PRIMPOL: variants seen among roughly 807,000 people sequenced by gnomAD.
PRIMPOL encodes primase and DNA directed polymerase, also known as DNA-directed primase/polymerase protein.
PRIMPOL carries 54 observed loss-of-function variants against 63.6 expected under a neutral mutation model. The ratio of observed to expected loss-of-function variants is 0.85; its 90% CI spans 0.68 to 1.07. The LOEUF is 1.07. Ranked by LOEUF, PRIMPOL falls within the 50% of genes least tolerant of loss-of-function variation. The pLI is 0.00. For missense variants in PRIMPOL, 610 were observed against 648.3 expected (o/e 0.94, Z 0.64); for synonymous variants, 197 against 220.2 (o/e 0.89, Z 0.93).
chr4:184,651,038 C>T (rs539442535), intron 1 of PRIMPOL, among the ~76,000 whole-genome samples: 37 of 152,130 alleles, frequency 2.4e-4, no homozygotes, highest in African/African-American at 7.2e-4. Flanking sequence ...GCCTGTAATC[C>T]CAGGACTTTG....
At chr4:184,677,361 C>CT (rs1240149331) in intron 7 of PRIMPOL, among the ~76,000 whole-genome samples, 2 of 152,070 alleles carry the variant, frequency 1.3e-5, no homozygotes, top group Non-Finnish European at 2.9e-5. Flanking sequence ...ATCCGGTTGG[C>CT]TCAGCACTGT....
At chr4:184,690,704 G>A (rs962352202) in intron 11 of PRIMPOL, among the ~76,000 whole-genome samples, 2 of 152,074 alleles carry the variant, frequency 1.3e-5, no homozygotes, top group Non-Finnish European at 2.9e-5. Flanking sequence ...TGTTTTCCAC[G>A]TTAGTCACTT....
intron 3 of PRIMPOL, among the ~76,000 whole-genome samples, chr4:184,658,069 ATTC>A (rs1460061701): frequency 7.8e-6 from 1 of 128,738 alleles, no homozygotes; most frequent in African/African-American, 3.1e-5. Flanking sequence ...TGTATTGCAC[ATTC>A]TTTTTTTTTT....
chr4:184,693,116 T>G (rs1759347374), intron 13 of PRIMPOL, among the ~76,000 whole-genome samples: 1 of 152,210 alleles, frequency 6.6e-6, no homozygotes, highest in African/African-American at 2.4e-5. Flanking sequence ...AAACTCAGTC[T>G]TAACACGTCT....
chr4:184,654,474 A>G (rs1579275027), intron 2 of PRIMPOL, among the ~76,000 whole-genome samples: 1 of 322 alleles, frequency 3.1e-3, no homozygotes, highest in East Asian at 0.038. Context: ...TTTTTGAGAC[A>G]GAGTCTCGCT....
At chr4:184,672,547 G>A (rs1752093420) in intron 7 of PRIMPOL, 87 bp downstream of exon 7, 4 of 1,332,012 alleles carry the variant, frequency 3.0e-6, no homozygotes, top group Middle Eastern at 3.8e-4. Context: ...CCGTGCTCGG[G>A]ATTCTTGCTT....
intron 13 of PRIMPOL, among the ~76,000 whole-genome samples, chr4:184,692,814 A>T (rs1011093491): frequency 6.6e-6 from 1 of 152,090 alleles, no homozygotes; most frequent in Non-Finnish European, 1.5e-5. Context: ...ATCACTACCA[A>T]TCTGGTAGGC....
At chr4:184,680,137 G>A (rs371148453) in intron 8 of PRIMPOL, among the ~76,000 whole-genome samples, 27 of 152,180 alleles carry the variant, frequency 1.8e-4, no homozygotes, top group African/African-American at 6.0e-4. Context: ...CATGGTTAAG[G>A]TTCAGACTAA....
chr4:184,684,787 T>G (rs1756581096), intron 9 of PRIMPOL, among the ~76,000 whole-genome samples: 1 of 152,146 alleles, frequency 6.6e-6, no homozygotes, highest in Admixed American at 6.5e-5. Context: ...ATTCTAGGAC[T>G]GGTTTTCTTA....
chr4:184,651,545 A>G (rs991757766), intron 1 of PRIMPOL, among the ~76,000 whole-genome samples: 2 of 152,166 alleles, frequency 1.3e-5, no homozygotes, highest in Admixed American at 6.5e-5. Flanking sequence ...TCCTTATCCT[A>G]TTGTGATGCC....
chr4:184,684,601 A>G (rs1002228921), intron 9 of PRIMPOL, among the ~76,000 whole-genome samples: 1 of 152,176 alleles, frequency 6.6e-6, no homozygotes, highest in African/African-American at 2.4e-5. Flanking sequence ...AGCTGAGTGT[A>G]TTGCCAGGAA....
At chr4:184,694,248 G>C in intron 13 of PRIMPOL, 1 of 1,139,032 alleles carries the variant, frequency 8.8e-7, no homozygotes, top group Non-Finnish European at 1.1e-6. Context: ...ATCCACCCTT[G>C]CTCTTCCGTC....
intron 2 of PRIMPOL, among the ~76,000 whole-genome samples, chr4:184,652,536 AAATC>A (rs1282069537): frequency 6.6e-6 from 1 of 152,202 alleles, no homozygotes; most frequent in East Asian, 1.9e-4. Context: ...GAAAAAAGGA[AAATC>A]CAGTCACTTA....
rs778516148 is a variant in PRIMPOL at position 184,694,590 on chromosome 4, A to T, written c.1494A>T (p.Pro498=). 6 of 1,614,168 alleles carry T rather than the reference A, an allele frequency of 3.7e-6. No homozygotes were observed. In the South Asian group the frequency reaches 6.6e-5, roughly 18 times the overall value. ...RSNETQNPHK[P]SPSRLSTGAS... ...ATGAAACCCAGAATCCTCATAAACC[A>T]TCACCTAGCAGGCTGTCAACAGGTG... Residue 498 remains proline, a synonymous_variant, in exon 14 of 14, where the codon CCA becomes CCT. Coordinates refer to ENST00000314970, the MANE Select transcript of PRIMPOL (RefSeq NM_152683.4).
intron 13 of PRIMPOL, chr4:184,694,290 G>A (rs538701108): frequency 7.6e-7 from 1 of 1,314,018 alleles, no homozygotes; most frequent in Non-Finnish European, 9.7e-7. Flanking sequence ...GCACAGAACT[G>A]TAGGTAATTT....
intron 2 of PRIMPOL, among the ~76,000 whole-genome samples, chr4:184,655,139 AT>A (rs1464578826): frequency 1.3e-5 from 2 of 151,598 alleles, no homozygotes; most frequent in Admixed American, 6.6e-5. Context: ...CCTCCCAAGT[AT>A]TTGGGATTAC....
chr4:184,694,157 G>A (rs1759868132), intron 13 of PRIMPOL: 2 of 903,422 alleles, frequency 2.2e-6, no homozygotes, highest in African/African-American at 1.8e-5. Flanking sequence ...TTTAAAGCAT[G>A]GGTACTAAGT....
chr4:184,653,571 C>T (rs1161065867), intron 2 of PRIMPOL, among the ~76,000 whole-genome samples: 2 of 152,204 alleles, frequency 1.3e-5, no homozygotes, highest in African/African-American at 4.8e-5. Flanking sequence ...AGGCTGGTCT[C>T]GAACTCCTGA....
chr4:184,691,475 T>A (rs765135515), intron 11 of PRIMPOL, 24 bp from the exon 12 acceptor site: 3 of 258,198 alleles, frequency 1.2e-5, no homozygotes, highest in African/African-American at 9.8e-5. Context: ...TATTAATACT[T>A]TTTTTTTTTT....
Sources: allele counts gnomAD v4.1 joint callset (sites outside exome capture counted in the v4.1 genomes callset), GRCh38; gene constraint gnomAD v4.1.1; transcripts MANE v1.5; gene names NCBI Gene and HGNC (gene_info 2026-07-23, HGNC 2026-07-21).